LUZP2: variants seen among roughly 807,000 people sequenced by gnomAD.
LUZP2 encodes the protein leucine zipper protein 2.
Under a neutral mutation model 51.6 loss-of-function variants are expected in LUZP2, and 52 were observed. That is an observed-to-expected ratio of 1.01 (90% CI 0.81 to 1.27). The LOEUF (loss-of-function observed/expected upper bound fraction) is 1.27, where lower values mean the gene tolerates loss of function less well. LUZP2 is among the 50% of genes most tolerant of loss of function. The pLI is 0.00. For synonymous variants in LUZP2, 154 were observed against 137.3 expected (o/e 1.12, Z -0.85); for missense variants, 436 against 395.4 (o/e 1.10, Z -0.87).
chr11:25,055,668 G>A (rs890108872), intron 10 of LUZP2, among the ~76,000 whole-genome samples: 2 of 152,076 alleles, frequency 1.3e-5, no homozygotes, highest in African/African-American at 2.4e-5. Flanking sequence ...AGTCTAGACC[G>A]ATAAATTCTG....
chr11:24,609,929 G>A (rs1854061469), intron 1 of LUZP2, among the ~76,000 whole-genome samples: 1 of 152,128 alleles, frequency 6.6e-6, no homozygotes, highest in Non-Finnish European at 1.5e-5. Flanking sequence ...GGATCAGACT[G>A]TAGAGCAATT....
At chr11:24,613,035 T>C (rs140720694) in intron 1 of LUZP2, among the ~76,000 whole-genome samples, 154 of 152,248 alleles carry the variant, frequency 1.0e-3, no homozygotes, top group Non-Finnish European at 1.8e-3. Flanking sequence ...CCAACTCTTA[T>C]GTAGAATTTC....
intron 10 of LUZP2, among the ~76,000 whole-genome samples, chr11:25,055,202 G>A (rs996328602): frequency 6.6e-6 from 1 of 151,460 alleles, no homozygotes; most frequent in Non-Finnish European, 1.5e-5. Context: ...GTAGAGACGG[G>A]CTTTCACCAT....
At chr11:25,064,865 T>C (rs1047708363) in intron 10 of LUZP2, among the ~76,000 whole-genome samples, 2 of 152,066 alleles carry the variant, frequency 1.3e-5, no homozygotes, top group African/African-American at 4.8e-5. Context: ...TCTCCATTTG[T>C]TGACATTTGT....
chr11:24,697,575 T>G (rs561123598), intron 1 of LUZP2, among the ~76,000 whole-genome samples: 1 of 152,298 alleles, frequency 6.6e-6, no homozygotes, highest in Admixed American at 6.5e-5. Context: ...AGTTTAATCT[T>G]AAAGCAAGGG....
At chr11:24,920,413 A>G in intron 7 of LUZP2, among the ~76,000 whole-genome samples, 1 of 151,988 alleles carries the variant, frequency 6.6e-6, no homozygotes, top group East Asian at 1.9e-4. Flanking sequence ...TATTTGAACA[A>G]AATTTAACTC....
chr11:24,941,696 C>T (rs1044038376), intron 7 of LUZP2, among the ~76,000 whole-genome samples: 1 of 151,912 alleles, frequency 6.6e-6, no homozygotes, highest in African/African-American at 2.4e-5. Flanking sequence ...GCTCTGAATC[C>T]CCATCAGAAA....
intron 6 of LUZP2, among the ~76,000 whole-genome samples, chr11:24,909,953 T>G (rs188772703): frequency 5.9e-5 from 9 of 152,256 alleles, no homozygotes; most frequent in Admixed American, 5.9e-4. Flanking sequence ...TGGAACTTCC[T>G]AGAGACTTCA....
chr11:24,765,384 T>C (rs1860143473), intron 5 of LUZP2, among the ~76,000 whole-genome samples: 1 of 152,128 alleles, frequency 6.6e-6, no homozygotes, highest in Admixed American at 6.5e-5. Context: ...GTGGTTACTT[T>C]TGAGTGAGGG....
intron 1 of LUZP2, among the ~76,000 whole-genome samples, chr11:24,526,266 A>AG (rs1491107278): frequency 8.9e-5 from 1 of 11,252 alleles, no homozygotes; most frequent in Non-Finnish European, 1.7e-4. Flanking sequence ...ACTAGGGGGC[A>AG]AAAAAAAAAA....
intron 5 of LUZP2, among the ~76,000 whole-genome samples, chr11:24,788,175 TTTTAA>T: frequency 7.3e-6 from 1 of 137,428 alleles, no homozygotes; most frequent in African/African-American, 2.6e-5. Context: ...TTCTTTTTGT[TTTTAA>T]TTTTTTTTTT....
intron 1 of LUZP2, among the ~76,000 whole-genome samples, chr11:24,575,524 T>C (rs1032340968): frequency 6.6e-5 from 10 of 152,212 alleles, no homozygotes; most frequent in African/African-American, 2.2e-4. Context: ...ATGATTCCTA[T>C]GATTCATGAT....
chr11:24,711,222 G>A (rs972789085), intron 1 of LUZP2, among the ~76,000 whole-genome samples: 7 of 152,084 alleles, frequency 4.6e-5, no homozygotes, highest in East Asian at 1.9e-4. Context: ...GGCCAAGGCG[G>A]GCGGATCACG....
intron 9 of LUZP2, among the ~76,000 whole-genome samples, chr11:24,990,028 C>A (rs1856292723): frequency 6.6e-6 from 1 of 152,000 alleles, no homozygotes; most frequent in African/African-American, 2.4e-5. Context: ...TAAAATATTG[C>A]CACATATTCT....
intron 9 of LUZP2, among the ~76,000 whole-genome samples, chr11:25,040,156 A>G (rs1402048758): frequency 1.3e-5 from 2 of 152,090 alleles, no homozygotes; most frequent in Non-Finnish European, 2.9e-5. Flanking sequence ...AATTCAATAA[A>G]TGCATATGAG....
chr11:24,653,277 T>C lies in LUZP2; in HGVS notation c.63-75892T>C, dbSNP rs139568866. 2.1e-3 allele frequency among the ~76,000 whole-genome samples: 322 copies of C among 152,260 alleles called. 1 individual carries two copies. Among genetic ancestry groups the C allele is most frequent in the African/African-American group, 7.2e-3 (298 of 41,552 alleles). ...TATTTTTTAAGTGGCTTTAATACTA[T>C]TTTTTACCGAATTGAATGTTGGGAG... On this transcript the variant is annotated intron_variant, in intron 1 of 11. Coordinates refer to ENST00000336930, the MANE Select transcript of LUZP2 (RefSeq NM_001009909.4).
chr11:25,032,350 T>G (rs1254708965), intron 9 of LUZP2, among the ~76,000 whole-genome samples: 1 of 152,200 alleles, frequency 6.6e-6, no homozygotes, highest in African/African-American at 2.4e-5. Context: ...TGACAACAAA[T>G]TTAGCAACAC....
intron 1 of LUZP2, among the ~76,000 whole-genome samples, chr11:24,659,337 C>A (rs773537804): frequency 3.9e-5 from 6 of 152,038 alleles, no homozygotes; most frequent in Non-Finnish European, 8.8e-5. Flanking sequence ...AAGCAAACAC[C>A]GCATATTCTC....
chr11:24,738,296 G>GAAAAAC lies in LUZP2; in HGVS notation c.327_328insAAAAAC (p.Gln109_Ala110insLysAsn). 6.2e-7 allele frequency: 1 copy of GAAAAAC among 1,611,290 alleles called. No individual in the cohort carries two copies. The highest frequency in any genetic ancestry group is 1.3e-5 in the African/African-American group (1 of 74,900). On this transcript the variant is annotated inframe_insertion, in exon 4 of 12. Coordinates refer to ENST00000336930, the MANE Select transcript of LUZP2 (RefSeq NM_001009909.4). ...CATCAGAGAAAGCAGAAAAACACCA[G>GAAAAAC]GCTACTGTAAGTGTGTTTCTTCTTT...
Sources: allele counts gnomAD v4.1 joint callset (sites outside exome capture counted in the v4.1 genomes callset), GRCh38; gene constraint gnomAD v4.1.1; transcripts MANE v1.5; gene names NCBI Gene and HGNC (gene_info 2026-07-23, HGNC 2026-07-21).